The following FBXO16 variants were observed in gnomAD, a reference collection of about 807,000 sequenced individuals.
FBXO16 encodes the protein F-box only protein 16.
A neutral mutation model predicts 41.0 loss-of-function variants in FBXO16; 31 were observed. The ratio of observed to expected loss-of-function variants is 0.76; its 90% CI spans 0.57 to 1.02. The LOEUF (loss-of-function observed/expected upper bound fraction) is 1.02. Ranked by LOEUF, FBXO16 falls within the 50% of genes least tolerant of loss-of-function variation. The pLI, the probability that FBXO16 is intolerant of heterozygous loss-of-function variation, is 0.00. For missense variants in FBXO16, 361 were observed against 346.2 expected (o/e 1.04, Z -0.34); for synonymous variants, 133 against 117.8 (o/e 1.13, Z -0.84).
At chr8:28,446,607 CA>C (rs2130113016) in intron 7 of FBXO16, among the ~76,000 whole-genome samples, 3 of 151,960 alleles carry the variant, frequency 2.0e-5, no homozygotes, top group African/African-American at 7.2e-5. Flanking sequence ...CGCGGTGGCT[CA>C]TGCTTGTAAT....
Position 28,483,443 on chromosome 8 carries a change from T to C in FBXO16, c.4A>G (p.Met2Val). Residue 2 changes from methionine to valine, a missense_variant, in exon 2 of 9, where the codon ATG (methionine) becomes GTG (valine). By Grantham distance (21) the Met-to-Val change is conservative (BLOSUM62 1). Transcript: ENST00000380254. ...GTGTTTTTTGGAGGTGCAAATGCCA[T>C]CATGAAACAACTGGATATCCTTCCA... M[M>V]AFAPPKNTDG... 1 of 1,613,276 alleles carries C rather than the reference T, an allele frequency of 6.2e-7. No homozygotes were observed. The highest frequency in any genetic ancestry group is 8.5e-7 in the Non-Finnish European group (1 of 1,179,424).
intron 3 of FBXO16, among the ~76,000 whole-genome samples, chr8:28,472,510 C>G (rs1024565232): frequency 6.6e-6 from 1 of 151,856 alleles, no homozygotes. Context: ...CAAGGGGGGG[C>G]GGGGTGGATC....
chr8:28,435,529 G>C (rs1802674933), intron 7 of FBXO16, among the ~76,000 whole-genome samples: 1 of 152,066 alleles, frequency 6.6e-6, no homozygotes, highest in African/African-American at 2.4e-5. Flanking sequence ...AGGGGATGCA[G>C]AGGGGTAAGG....
At chr8:28,430,119 C>A (rs1802585318) in intron 7 of FBXO16, among the ~76,000 whole-genome samples, 1 of 152,198 alleles carries the variant, frequency 6.6e-6, no homozygotes, top group Admixed American at 6.5e-5. Context: ...GTCTCCAAGG[C>A]TGGAGTGCAG....
At chr8:28,444,108 C>T (rs1802822874) in intron 7 of FBXO16, among the ~76,000 whole-genome samples, 1 of 152,054 alleles carries the variant, frequency 6.6e-6, no homozygotes, top group African/African-American at 2.4e-5. Context: ...GATCCAGACC[C>T]TTTCTGGTAA....
At chr8:28,471,672 G>A (rs1318937140) in intron 3 of FBXO16, among the ~76,000 whole-genome samples, 2 of 152,008 alleles carry the variant, frequency 1.3e-5, no homozygotes, top group Non-Finnish European at 2.9e-5. Context: ...AGAAAAACAA[G>A]AGACCATTAT....
rs146500582 is a variant in FBXO16 at position 28,463,763 on chromosome 8, C to A, written c.191G>T (p.Arg64Leu). Reference sequence around the variant, plus strand: ...GAACTTTTGCTGGGACAGCGAGCAGCGCTCCAACAGGCCTGTGAGGATTCT... The same window carrying A: ...GAACTTTTGCTGGGACAGCGAGCAGAGCTCCAACAGGCCTGTGAGGATTCT... ...RRRILTGLLE[R>L]CSLSQQKFCC... The change falls in exon 4 of 9, where the codon CGC becomes CTC. Residue 64 changes from arginine (R) to leucine (L), a missense_variant. Arg to Leu is a moderately radical substitution (Grantham distance 102, BLOSUM62 -2). Coordinates refer to ENST00000380254, the MANE Select transcript of FBXO16 (RefSeq NM_172366.4). 6.2e-7 allele frequency: 1 copy of A among 1,614,136 alleles called. No individual in the cohort carries two copies. The highest frequency in any genetic ancestry group is 8.5e-7 in the Non-Finnish European group (1 of 1,179,974).
chr8:28,441,947 T>TGTA (rs1491261277), intron 7 of FBXO16, among the ~76,000 whole-genome samples: 259 of 84,940 alleles, frequency 3.0e-3, no homozygotes, highest in African/African-American at 7.5e-3. Context: ...TGTGTGTGTA[T>TGTA]TTTTTTTTTT....
chr8:28,473,348 G>A (rs1803367314), intron 3 of FBXO16, among the ~76,000 whole-genome samples: 1 of 152,102 alleles, frequency 6.6e-6, no homozygotes, highest in African/African-American at 2.4e-5. Context: ...CAGACTGAAT[G>A]TTTACATCAC....
At chr8:28,473,724 A>C (rs747544667) in intron 3 of FBXO16, 48 bp downstream of exon 3, 34 of 1,507,174 alleles carry the variant, frequency 2.3e-5, no homozygotes, top group Middle Eastern at 3.4e-4. Context: ...TGAAAGATGA[A>C]AACAGATAAC....
chr8:28,465,883 G>A (rs1306188327), intron 3 of FBXO16, among the ~76,000 whole-genome samples: 1 of 151,404 alleles, frequency 6.6e-6, no homozygotes, highest in Non-Finnish European at 1.5e-5. Flanking sequence ...GTTTGATTAC[G>A]TGAGAGTGCC....
At chr8:28,473,336 T>C (rs1025362714) in intron 3 of FBXO16, among the ~76,000 whole-genome samples, 2 of 152,202 alleles carry the variant, frequency 1.3e-5, no homozygotes, top group Non-Finnish European at 2.9e-5. Context: ...GTGATAATGC[T>C]ACAGACTGAA....
At chr8:28,486,055 G>A (rs1457302667) in intron 1 of FBXO16, among the ~76,000 whole-genome samples, 1 of 150,030 alleles carries the variant, frequency 6.7e-6, no homozygotes, top group Non-Finnish European at 1.5e-5. Context: ...GCAGTGAGCT[G>A]AGGTCGCGCC....
intron 4 of FBXO16, among the ~76,000 whole-genome samples, chr8:28,458,883 G>A (rs1803080708): frequency 6.6e-6 from 1 of 152,074 alleles, no homozygotes; most frequent in Admixed American, 6.6e-5. Context: ...AGAATTGAAA[G>A]GTAAGTAAGA....
Position 28,441,948 on chromosome 8 carries a change from T to TGTA in FBXO16, c.843+5222_843+5223insTAC, listed in dbSNP as rs1241990516. ...TGTGTGTGTGTGTGTGTGTGTGTAT[T>TGTA]TTTTTTTTTTTTTTTGAGACAGTCT... is the stretch of plus-strand genomic sequence containing the variant. On this transcript the variant is annotated intron_variant, in intron 7 of 8. Transcript: ENST00000380254. Among the ~76,000 whole-genome samples the TGTA allele has an allele frequency of 6.1e-3, 424 of 69,200 alleles. 2 individuals are homozygous for TGTA. Among genetic ancestry groups the TGTA allele is most frequent in the African/African-American group, 0.027 (333 of 12,224 alleles). The allele number at this position is 69,200 out of a possible 152,430, so 45.4% of individuals were successfully genotyped here.
intron 1 of FBXO16, among the ~76,000 whole-genome samples, chr8:28,485,830 C>T (rs559262131): frequency 2.2e-4 from 34 of 152,200 alleles, no homozygotes; most frequent in Middle Eastern, 3.4e-3. Flanking sequence ...AGATACAGGC[C>T]GGCATGGTGC....
chr8:28,462,916 T>C (rs927618523), intron 4 of FBXO16, among the ~76,000 whole-genome samples: 1 of 152,224 alleles, frequency 6.6e-6, no homozygotes, highest in Non-Finnish European at 1.5e-5. Flanking sequence ...ATTGAGGACC[T>C]TATTGCAGCT....
intron 4 of FBXO16, among the ~76,000 whole-genome samples, chr8:28,457,543 A>G (rs902894687): frequency 7.2e-5 from 11 of 152,160 alleles, no homozygotes; most frequent in African/African-American, 2.4e-4. Flanking sequence ...GGCAAGAGAG[A>G]ATGAAAGCCA....
chr8:28,435,647 A>G (rs1802676975), intron 7 of FBXO16, among the ~76,000 whole-genome samples: 1 of 152,120 alleles, frequency 6.6e-6, no homozygotes, highest in African/African-American at 2.4e-5. Flanking sequence ...TTGTGAGTAT[A>G]CAGAAAAGGT....
Sources: gnomAD v4.1 joint callset for allele counts (sites outside exome capture counted in the v4.1 genomes callset) on GRCh38, gnomAD v4.1.1 for gene constraint, MANE v1.5 for transcripts, NCBI Gene and HGNC (gene_info 2026-07-23, HGNC 2026-07-21) for gene names.